The following INPP5A variants were observed in gnomAD, a reference collection of about 807,000 sequenced individuals.
The protein encoded by INPP5A is 43 kDa inositol polyphosphate 5-phophatase.
Under a neutral mutation model 65.2 loss-of-function variants are expected in INPP5A, and 14 were observed. The ratio of observed to expected loss-of-function variants is 0.21; its 90% CI spans 0.14 to 0.34. The LOEUF is 0.34. Among genes scored for constraint, INPP5A ranks in the 10% least tolerant of loss-of-function variants. The pLI is 1.00. For missense variants in INPP5A, 431 were observed against 545.6 expected, an observed-to-expected ratio of 0.79 and a Z score of 2.09; for synonymous variants, 207 against 208.3, an observed-to-expected ratio of 0.99 and a Z score of 0.05.
At chr10:132,781,694 G>GGCTGTGCACAAGGGCCGAGCTGCCTC (rs1308104053) in intron 14 of INPP5A, among the ~76,000 whole-genome samples, 167 bp from the exon 15 acceptor site, 2 of 152,186 alleles carry the variant, frequency 1.3e-5, no homozygotes, top group Non-Finnish European at 2.9e-5. Flanking sequence ...GCGCTGCCGT[G>GGCTGTGCACAAGGGCCGAGCTGCCTC]GCTGTGCACA....
intron 11 of INPP5A, among the ~76,000 whole-genome samples, chr10:132,751,511 G>C (rs1447904726): frequency 6.6e-6 from 1 of 152,208 alleles, no homozygotes; most frequent in Admixed American, 6.5e-5. Flanking sequence ...CGGGACTCTG[G>C]GCTCCAGGAT....
rs1230739992 is a variant in INPP5A, at chr10:132,547,842, C to T, written c.75+9671C>T. Among the ~76,000 whole-genome samples, 3 of 152,102 alleles carry T rather than the reference C, an allele frequency of 2.0e-5. No individual in the cohort carries two copies. Among genetic ancestry groups the T allele is most frequent in the Admixed American group, 6.5e-5 (1 of 15,272 alleles). ...ATACTGTGCTTTACCGTGACTGTGG[C>T]GTCACACTCAGGTGTGCTGGCCTTT... On this transcript the variant is annotated intron_variant, in intron 1 of 15. Coordinates refer to ENST00000368594, the MANE Select transcript of INPP5A (RefSeq NM_005539.5). The surrounding 1 kb of genome is among the most constrained non-coding windows in gnomAD (Gnocchi z 5.5).
chr10:132,554,314 G>A (rs2071095562), intron 1 of INPP5A, among the ~76,000 whole-genome samples: 1 of 152,168 alleles, frequency 6.6e-6, no homozygotes, highest in South Asian at 2.1e-4. Context: ...AGCAGGAGAT[G>A]AGGGATTTGT....
intron 2 of INPP5A, among the ~76,000 whole-genome samples, chr10:132,634,190 T>C (rs2072307900): frequency 6.6e-6 from 1 of 152,284 alleles, no homozygotes; most frequent in African/African-American, 2.4e-5. Flanking sequence ...GGAAATTGTT[T>C]TGTAGCTTTC....
At chr10:132,561,722 C>CCGCA (rs1554927532) in intron 1 of INPP5A, among the ~76,000 whole-genome samples, 3 of 142,314 alleles carry the variant, frequency 2.1e-5, no homozygotes, top group African/African-American at 7.8e-5. Flanking sequence ...TTGTCAATTT[C>CCGCA]CACACACACA....
Position 132,676,929 on chromosome 10 carries a change from C to T in INPP5A, c.307-13463C>T, listed in dbSNP as rs556543553. Among the ~76,000 whole-genome samples the T allele has an allele frequency of 8.5e-5, 13 of 152,306 alleles. No individual in the cohort carries two copies. Among genetic ancestry groups the T allele is most frequent in the Middle Eastern group, 3.4e-3 (1 of 294 alleles). On this transcript the variant is annotated intron_variant, in intron 4 of 15. Transcript: ENST00000368594. The surrounding 1 kb of genome is among the most constrained non-coding windows in gnomAD (Gnocchi z 4.0). ...ATCCACATGGTGACCCCCACCGTCACCCAGGCATCTGTCCTCAACTGCAGA... is the reference window on the plus strand; with the variant it reads ...ATCCACATGGTGACCCCCACCGTCATCCAGGCATCTGTCCTCAACTGCAGA...
At chr10:132,539,020 C>T (rs1403721357) in intron 1 of INPP5A, among the ~76,000 whole-genome samples, 1 of 152,198 alleles carries the variant, frequency 6.6e-6, no homozygotes, top group African/African-American at 2.4e-5. Flanking sequence ...ATTCTGGACC[C>T]TGCCCCTAAC....
rs763485471 is a variant in INPP5A at position 132,727,803 on chromosome 10, C to T, written c.732+898C>T. On this transcript the variant is annotated intron_variant, in intron 9 of 15. Transcript: ENST00000368594. The surrounding 1 kb of genome is among the most constrained non-coding windows in gnomAD (Gnocchi z 6.5). ...TGAGTCAGATGGGGACACGGTAAGT[C>T]GGATGGGGACACGGTGAGTCAGATG... Among the ~76,000 whole-genome samples the T allele has an allele frequency of 4.0e-5, 6 of 151,784 alleles. No homozygotes were observed. Among genetic ancestry groups the T allele is most frequent in the African/African-American group, 1.2e-4 (5 of 41,264 alleles).
chr10:132,712,054 C>T (rs1379014462), intron 8 of INPP5A, among the ~76,000 whole-genome samples: 3 of 152,186 alleles, frequency 2.0e-5, no homozygotes, highest in South Asian at 2.1e-4. Flanking sequence ...GAGAGGCACC[C>T]CTGGGGACTG....
In INPP5A at chr10:132,675,708, C is replaced by G. The variant is rs993751358; in HGVS notation, c.307-14684C>G. ...CTGCTGTTTTAGCATTTCTGGGGAC[C>G]GGGAACTAAGGTAAATTATTTGAAA... On this transcript the variant is annotated intron_variant, in intron 4 of 15. Coordinates refer to ENST00000368594, the MANE Select transcript of INPP5A (RefSeq NM_005539.5). The surrounding 1 kb of genome is among the most constrained non-coding windows in gnomAD (Gnocchi z 4.2). 1.3e-5 allele frequency among the ~76,000 whole-genome samples: 2 copies of G among 151,978 alleles called. No individual in the cohort carries two copies. The highest frequency in any genetic ancestry group is 4.8e-5 in the African/African-American group (2 of 41,346).
rs1478806280 is a variant in INPP5A at position 132,651,196 on chromosome 10, G to A, written c.306+691G>A. ...ACTTGCTGTTGGTTCAGAGACCCAC[G>A]TCTTAAATCCCGTCTTTATGCCCTG... On this transcript the variant is annotated intron_variant, in intron 4 of 15. Coordinates refer to ENST00000368594, the MANE Select transcript of INPP5A (RefSeq NM_005539.5). The surrounding 1 kb of genome is among the most constrained non-coding windows in gnomAD (Gnocchi z 5.0). Among the ~76,000 whole-genome samples the A allele has an allele frequency of 2.6e-5, 4 of 152,132 alleles. No homozygotes were observed. The highest frequency in any genetic ancestry group is 6.5e-5 in the Admixed American group (1 of 15,286).
chr10:132,773,751 G>T (rs572089670), intron 12 of INPP5A, among the ~76,000 whole-genome samples: 326 of 152,282 alleles, frequency 2.1e-3, no homozygotes, highest in African/African-American at 7.4e-3. Context: ...GAGAGCTTTT[G>T]TCCCTCGAGA....
intron 12 of INPP5A, among the ~76,000 whole-genome samples, chr10:132,777,212 G>C (rs1048556490): frequency 6.6e-6 from 1 of 152,200 alleles, no homozygotes; most frequent in Admixed American, 6.5e-5. Context: ...TGGGAGCGGC[G>C]TTGGTCAAAG....
chr10:132,638,060 G>T (rs1028038585), intron 2 of INPP5A, among the ~76,000 whole-genome samples: 1 of 152,102 alleles, frequency 6.6e-6, no homozygotes, highest in Non-Finnish European at 1.5e-5. Context: ...CAGTGATTGG[G>T]GTCTGGGAGT....
chr10:132,624,353 G>A (rs918822356), intron 2 of INPP5A, among the ~76,000 whole-genome samples: 4 of 152,224 alleles, frequency 2.6e-5, no homozygotes, highest in South Asian at 2.1e-4. Context: ...GTGTGAGCTC[G>A]CTGTTTTGGC....
intron 4 of INPP5A, among the ~76,000 whole-genome samples, chr10:132,655,577 C>T (rs941653463): frequency 3.9e-5 from 6 of 152,196 alleles, no homozygotes; most frequent in South Asian, 2.1e-4. Context: ...TCCTGAACTC[C>T]GCTTCCAAGA....
intron 4 of INPP5A, among the ~76,000 whole-genome samples, chr10:132,668,719 C>T (rs573073708): frequency 4.6e-5 from 7 of 152,136 alleles, no homozygotes; most frequent in Non-Finnish European, 8.8e-5. Context: ...TATTCTCTTC[C>T]GTAGGATTTA....
intron 11 of INPP5A, among the ~76,000 whole-genome samples, chr10:132,750,144 G>A (rs1449790854): frequency 1.3e-5 from 2 of 152,208 alleles, no homozygotes; most frequent in African/African-American, 4.8e-5. Context: ...GTGGGGTGGG[G>A]AGGAAAGCCC....
At chr10:132,570,236 C>T (rs952916084) in intron 1 of INPP5A, among the ~76,000 whole-genome samples, 5 of 152,262 alleles carry the variant, frequency 3.3e-5, no homozygotes, top group Non-Finnish European at 2.9e-5. Flanking sequence ...TGTGAGCCTG[C>T]GCTCTGCTGA....
Sources: allele counts gnomAD v4.1 joint callset (sites outside exome capture counted in the v4.1 genomes callset), GRCh38; gene constraint gnomAD v4.1.1; non-coding constraint Gnocchi (gnomAD v3.1); transcripts MANE v1.5; gene names NCBI Gene and HGNC (gene_info 2026-07-23, HGNC 2026-07-21).